Variants in PHACTR1 observed in about 807,000 individuals in gnomAD.
The protein encoded by PHACTR1 is phosphatase and actin regulator 1, also known as RPEL repeat containing 1.
Under a neutral mutation model 69.2 loss-of-function variants are expected in PHACTR1, and 16 were observed. The observed-to-expected ratio is 0.23, with a 90% confidence interval of 0.16 to 0.35. The LOEUF is 0.35. Among genes scored for constraint, PHACTR1 ranks in the 10% least tolerant of loss-of-function variants. PHACTR1 has a pLI of 1.00. For missense variants in PHACTR1, 510 were observed against 734.7 expected (o/e 0.69, Z 3.54); for synonymous variants, 312 against 284.5 (o/e 1.10, Z -0.97).
At chr6:12,985,975 A>G (rs915909670) in intron 4 of PHACTR1, among the ~76,000 whole-genome samples, 7 of 151,958 alleles carry the variant, frequency 4.6e-5, no homozygotes, top group African/African-American at 1.5e-4. Context: ...AGCTGGGATT[A>G]CAGGCACCTG....
At chr6:13,199,468 C>T (rs1289211155) in intron 7 of PHACTR1, among the ~76,000 whole-genome samples, 1 of 150,068 alleles carries the variant, frequency 6.7e-6, no homozygotes. Flanking sequence ...TACCCAATTC[C>T]CTTTGTCATC....
intron 5 of PHACTR1, among the ~76,000 whole-genome samples, chr6:13,105,984 A>T (rs908675109): frequency 2.0e-5 from 3 of 152,310 alleles, no homozygotes; most frequent in Non-Finnish European, 4.4e-5. Context: ...TTGTTAAGCT[A>T]TAGGGTGTGA....
chr6:12,967,037 A>G (rs915651957), intron 4 of PHACTR1, among the ~76,000 whole-genome samples: 10 of 152,144 alleles, frequency 6.6e-5, no homozygotes, highest in African/African-American at 1.9e-4. Flanking sequence ...CCAAATTTGT[A>G]TTGCTGAGAA....
At chr6:13,081,082 C>A (rs1236706360) in intron 5 of PHACTR1, among the ~76,000 whole-genome samples, 2 of 152,144 alleles carry the variant, frequency 1.3e-5, no homozygotes, top group Non-Finnish European at 2.9e-5. Flanking sequence ...ATTTAAAACA[C>A]CGAGCATAAA....
intron 3 of PHACTR1, among the ~76,000 whole-genome samples, chr6:12,747,481 T>C (rs1438921905): frequency 6.6e-6 from 1 of 151,826 alleles, no homozygotes; most frequent in Non-Finnish European, 1.5e-5. Context: ...CTGGACAACA[T>C]ACTGAGACCG....
chr6:13,234,955 A>G (rs115113994), intron 10 of PHACTR1, among the ~76,000 whole-genome samples: 498 of 152,330 alleles, frequency 3.3e-3, no homozygotes, highest in African/African-American at 0.011. Context: ...GCTTCTATTT[A>G]CATTCATTTC....
intron 4 of PHACTR1, among the ~76,000 whole-genome samples, chr6:13,021,833 T>G (rs773195537): frequency 6.6e-6 from 1 of 152,250 alleles, no homozygotes; most frequent in South Asian, 2.1e-4. Context: ...ACACCTTACA[T>G]AAATGTATTT....
At chr6:13,078,204 TC>T (rs1810839685) in intron 5 of PHACTR1, among the ~76,000 whole-genome samples, 1 of 152,124 alleles carries the variant, frequency 6.6e-6, no homozygotes, top group Non-Finnish European at 1.5e-5. Context: ...GTTCCATGTA[TC>T]TCCCCTAGCT....
intron 7 of PHACTR1, among the ~76,000 whole-genome samples, chr6:13,188,121 G>A (rs533365805): frequency 2.0e-4 from 31 of 152,194 alleles, no homozygotes; most frequent in African/African-American, 7.2e-4. Flanking sequence ...TATACAGCTT[G>A]GATCAAATGA....
chr6:13,227,778 C>A, intron 8 of PHACTR1, 38 bp from the exon 9 acceptor site: 1 of 1,602,578 alleles, frequency 6.2e-7, no homozygotes, highest in South Asian at 1.1e-5. Context: ...GCACGTTAGC[C>A]AAAGTGAATT....
rs577453936 is a variant in PHACTR1 at position 12,812,908 on chromosome 6, C to T, written c.250+63118C>T. Among the ~76,000 whole-genome samples, 3 of 152,282 alleles carry T rather than the reference C, an allele frequency of 2.0e-5. 1 individual carries two copies. In the South Asian group the frequency reaches 6.2e-4, roughly 32 times the overall value. ...CCTGGCAATCCTCAGAGAAGAAGAC[C>T]TCTTCAGCTGTGTTTAAACCATTGA... On this transcript the variant is annotated intron_variant, in intron 4 of 14. Coordinates refer to ENST00000332995, the MANE Select transcript of PHACTR1 (RefSeq NM_030948.6).
chr6:13,194,780 T>C (rs1255213622), intron 7 of PHACTR1, among the ~76,000 whole-genome samples: 1 of 152,204 alleles, frequency 6.6e-6, no homozygotes, highest in African/African-American at 2.4e-5. Context: ...AATTATTATT[T>C]GTCTAGTAAA....
intron 8 of PHACTR1, among the ~76,000 whole-genome samples, chr6:13,220,956 C>A (rs568580882): frequency 5.2e-4 from 79 of 152,278 alleles, no homozygotes; most frequent in African/African-American, 1.9e-3. Context: ...GGGGTAAATG[C>A]TTAGCCTGTA....
At chr6:12,847,087 G>A (rs1472740946) in intron 4 of PHACTR1, among the ~76,000 whole-genome samples, 1 of 152,104 alleles carries the variant, frequency 6.6e-6, no homozygotes, top group Non-Finnish European at 1.5e-5. Context: ...AAAGGGCTGG[G>A]ATTATAGGCG....
intron 10 of PHACTR1, 141 bp from the exon 11 acceptor site, chr6:13,272,719 C>T (rs1778013273): frequency 1.9e-6 from 3 of 1,589,622 alleles, no homozygotes; most frequent in African/African-American, 1.3e-5. Context: ...GCGGTGGTGG[C>T]GAGAGTCAGT....
Position 12,814,903 on chromosome 6 carries a change from C to T in PHACTR1, c.250+65113C>T, listed in dbSNP as rs539477058. On this transcript the variant is annotated intron_variant, in intron 4 of 14. Coordinates refer to ENST00000332995, the MANE Select transcript of PHACTR1 (RefSeq NM_030948.6). Reference sequence around the variant, plus strand: ...GTGAGAGATCCTCCATTAAGTCTGTCTCAAAACACAACATGCTTCAAGTGA... The same window carrying T: ...GTGAGAGATCCTCCATTAAGTCTGTTTCAAAACACAACATGCTTCAAGTGA... 6.6e-5 allele frequency among the ~76,000 whole-genome samples: 10 copies of T among 152,284 alleles called. No individual in the cohort carries two copies. In the East Asian group the frequency reaches 1.7e-3, roughly 26 times the overall value.
chr6:12,841,027 G>C (rs1778644193), intron 4 of PHACTR1, among the ~76,000 whole-genome samples: 1 of 152,210 alleles, frequency 6.6e-6, no homozygotes, highest in African/African-American at 2.4e-5. Flanking sequence ...GCACTCCGCA[G>C]GACGGGGTCT....
chr6:13,249,969 G>C (rs1774149958), intron 10 of PHACTR1, among the ~76,000 whole-genome samples: 1 of 152,056 alleles, frequency 6.6e-6, no homozygotes, highest in South Asian at 2.1e-4. Flanking sequence ...TCCATGGTAG[G>C]GGCCCACCAG....
intron 7 of PHACTR1, chr6:13,196,516 G>C (rs1764460853): frequency 1.2e-5 from 2 of 172,502 alleles, no homozygotes; most frequent in Non-Finnish European, 2.5e-5. Context: ...CGCTTCCCAG[G>C]TTCAAGCGAT....
Sources: gnomAD v4.1 joint callset for allele counts (sites outside exome capture counted in the v4.1 genomes callset) on GRCh38, gnomAD v4.1.1 for gene constraint, MANE v1.5 for transcripts, NCBI Gene and HGNC (gene_info 2026-07-23, HGNC 2026-07-21) for gene names.